DLG2: variants seen among roughly 807,000 people sequenced by gnomAD.
DLG2 encodes the protein discs large MAGUK scaffold protein 2, also known as disks large homolog 2.
In DLG2, 45 loss-of-function variants were observed where a neutral mutation model predicts 132.5. That is an observed-to-expected ratio of 0.34 (90% CI 0.27 to 0.44). DLG2 has a LOEUF of 0.44. Among genes scored for constraint, DLG2 ranks in the 20% least tolerant of loss-of-function variants. The pLI, the probability that DLG2 is intolerant of heterozygous loss-of-function variation, is 1.00. For missense variants in DLG2, 1,045 were observed against 1,196.9 expected (o/e 0.87, Z 1.87); for synonymous variants, 424 against 419.6 (o/e 1.01, Z -0.13).
intron 15 of DLG2, among the ~76,000 whole-genome samples, chr11:83,887,130 A>C (rs1310880712): frequency 6.6e-6 from 1 of 152,230 alleles, no homozygotes; most frequent in East Asian, 1.9e-4. Context: ...GAGACACAAA[A>C]AACCCTTCAA....
chr11:84,066,347 T>G (rs919139056), intron 10 of DLG2, among the ~76,000 whole-genome samples: 2 of 152,234 alleles, frequency 1.3e-5, no homozygotes, highest in Non-Finnish European at 2.9e-5. Flanking sequence ...GTAAAACTTA[T>G]AGTTGTTTTG....
chr11:85,019,295 G>A (rs1447452103), intron 6 of DLG2, among the ~76,000 whole-genome samples: 3 of 152,058 alleles, frequency 2.0e-5, no homozygotes, highest in Admixed American at 6.6e-5. Context: ...AGTGAAAATG[G>A]GACTAGGCGC....
intron 17 of DLG2, chr11:83,791,433 T>C: frequency 1.4e-6 from 1 of 714,884 alleles, no homozygotes; most frequent in South Asian, 1.4e-5. Flanking sequence ...TGGCCATATC[T>C]TTACCATAGC....
intron 4 of DLG2, among the ~76,000 whole-genome samples, chr11:85,162,810 G>A (rs1241910085): frequency 6.6e-6 from 1 of 152,130 alleles, no homozygotes; most frequent in Admixed American, 6.5e-5. Flanking sequence ...AAGTTGACAA[G>A]GGGTGGACTT....
At chr11:85,238,042 T>A (rs2152667352) in intron 4 of DLG2, among the ~76,000 whole-genome samples, 1 of 152,102 alleles carries the variant, frequency 6.6e-6, no homozygotes, top group South Asian at 2.1e-4. Context: ...TTTGTGGATT[T>A]TTTTTCCAGA....
intron 6 of DLG2, among the ~76,000 whole-genome samples, chr11:84,925,452 A>C (rs2092942887): frequency 6.6e-6 from 1 of 152,120 alleles, no homozygotes; most frequent in Non-Finnish European, 1.5e-5. Context: ...ACAAAATCCC[A>C]GTGCTATACC....
chr11:84,581,912 C>CAAAAAAAAAAAAAAA (rs780759635), intron 6 of DLG2, among the ~76,000 whole-genome samples: 3 of 64,982 alleles, frequency 4.6e-5, no homozygotes, highest in African/African-American at 5.0e-5. Flanking sequence ...TCTCAAAAAC[C>CAAAAAAAAAAAAAAA]AAAAAAAAAA....
intron 7 of DLG2, among the ~76,000 whole-genome samples, chr11:84,297,799 G>C (rs1213143063): frequency 6.6e-6 from 1 of 151,852 alleles, no homozygotes; most frequent in African/African-American, 2.4e-5. Flanking sequence ...CCTTCTTCTT[G>C]ACACTTTCTC....
chr11:84,600,223 A>AGAAAG (rs2099573532), intron 6 of DLG2, among the ~76,000 whole-genome samples: 1 of 129,242 alleles, frequency 7.7e-6, no homozygotes, highest in South Asian at 2.7e-4. Flanking sequence ...AAAGAAAGAA[A>AGAAAG]GAGAAAGAAA....
At chr11:85,422,338 T>A (rs1230118410) in intron 3 of DLG2, among the ~76,000 whole-genome samples, 3 of 152,192 alleles carry the variant, frequency 2.0e-5, no homozygotes, top group Non-Finnish European at 4.4e-5. Context: ...TAGGTTTGGT[T>A]GTTTAACATA....
chr11:84,192,605 C>T (rs1304222668), intron 8 of DLG2, among the ~76,000 whole-genome samples: 1 of 152,066 alleles, frequency 6.6e-6, no homozygotes, highest in Non-Finnish European at 1.5e-5. Flanking sequence ...TGGCAGGCGC[C>T]TGTAGTCCCA....
chr11:84,297,239 G>A (rs557026503), intron 7 of DLG2, among the ~76,000 whole-genome samples: 1 of 151,982 alleles, frequency 6.6e-6, no homozygotes, highest in East Asian at 1.9e-4. Flanking sequence ...AAGAATAAAA[G>A]AAAAGAACAA....
At chr11:84,086,275 AT>A (rs2154162272) in intron 10 of DLG2, among the ~76,000 whole-genome samples, 1 of 152,268 alleles carries the variant, frequency 6.6e-6, no homozygotes, top group South Asian at 2.1e-4. Context: ...TAGGAAAAAA[AT>A]TTCTTAGATT....
chr11:84,904,835 A>C (rs1487338732), intron 6 of DLG2, among the ~76,000 whole-genome samples: 1 of 152,228 alleles, frequency 6.6e-6, no homozygotes, highest in Admixed American at 6.5e-5. Context: ...CGGTGCAAAT[A>C]ATGGAGAAAT....
At chr11:83,562,881 C>CA (rs1723545184) in intron 19 of DLG2, among the ~76,000 whole-genome samples, 1 of 151,242 alleles carries the variant, frequency 6.6e-6, no homozygotes, top group South Asian at 2.1e-4. Context: ...TACCAATCTG[C>CA]ATCTGGTCTT....
chr11:84,382,046 A>C (rs1292318892), intron 7 of DLG2, among the ~76,000 whole-genome samples: 1 of 152,172 alleles, frequency 6.6e-6, no homozygotes, highest in Non-Finnish European at 1.5e-5. Flanking sequence ...AAGAAAAATG[A>C]ATGTTGGGCA....
intron 18 of DLG2, chr11:83,684,495 G>A (rs1156937862): frequency 6.6e-6 from 1 of 152,186 alleles, no homozygotes; most frequent in Non-Finnish European, 1.5e-5. Flanking sequence ...ACGCATGGAT[G>A]AGATGCCGTC....
chr11:84,727,818 T>C (rs1565798098), intron 6 of DLG2, among the ~76,000 whole-genome samples: 2 of 152,178 alleles, frequency 1.3e-5, no homozygotes, highest in Non-Finnish European at 2.9e-5. Context: ...TTCACATTCC[T>C]TGTAAGTTGT....
chr11:84,575,144 A>G (rs918347328), intron 6 of DLG2, among the ~76,000 whole-genome samples: 1 of 152,174 alleles, frequency 6.6e-6, no homozygotes, highest in African/African-American at 2.4e-5. Context: ...ACCAGATCTT[A>G]TCACCGGCTT....
Sources: allele counts gnomAD v4.1 joint callset (sites outside exome capture counted in the v4.1 genomes callset), GRCh38; gene constraint gnomAD v4.1.1; transcripts MANE v1.5; gene names NCBI Gene and HGNC (gene_info 2026-07-23, HGNC 2026-07-21).